PCDHGB5: variants seen among roughly 807,000 people sequenced by gnomAD.
PCDHGB5 encodes protocadherin gamma-B5.
A neutral mutation model predicts 62.9 loss-of-function variants in PCDHGB5; 48 were observed. That is an observed-to-expected ratio of 0.76 (90% CI 0.61 to 0.97). The LOEUF is 0.97. Among genes scored for constraint, PCDHGB5 ranks in the 50% least tolerant of loss-of-function variants. The pLI is 0.00. For synonymous variants in PCDHGB5, 474 were observed against 511.2 expected, an observed-to-expected ratio of 0.93 and a Z score of 0.98; for missense variants, 1,118 against 1,198.6, an observed-to-expected ratio of 0.93 and a Z score of 0.99.
chr5:141,480,390 T>C (rs753766736), intron 1 of PCDHGB5, among the ~76,000 whole-genome samples: 14 of 151,350 alleles, frequency 9.3e-5, no homozygotes, highest in Non-Finnish European at 1.9e-4. Flanking sequence ...ACTTCAACCA[T>C]GGCAATAGAG....
At chr5:141,403,645 A>G (rs2154534430) in intron 1 of PCDHGB5, 1 of 1,613,922 alleles carries the variant, frequency 6.2e-7, no homozygotes, top group South Asian at 1.1e-5. Flanking sequence ...TCCATGTGAC[A>G]GTGTTGGATA....
In PCDHGB5 at chr5:141,489,104, A is replaced by C; in HGVS notation, c.2398-5703A>C. The stretch of plus-strand genomic sequence containing the variant: ...CCACTCGGTGACTAAGAACTGCTGC[A>C]AGCAGGCAAACCTCCGAGCAGTTTT... On this transcript the variant is annotated intron_variant, in intron 1 of 3. Coordinates refer to ENST00000617380, the MANE Select transcript of PCDHGB5 (RefSeq NM_018925.3). The surrounding 1 kb of genome is among the most constrained non-coding windows in gnomAD (Gnocchi z 4.5). 2.5e-6 allele frequency: 1 copy of C among 405,816 alleles called. No individual in the cohort carries two copies. Among genetic ancestry groups the C allele is most frequent in the Non-Finnish European group, 4.3e-6 (1 of 232,372 alleles). 25.1% of individuals were successfully genotyped at this position (405,816 alleles called of 1,614,324 possible). A position where few individuals can be genotyped will look rare whatever the true frequency, so the allele number is the denominator to read the frequency against.
intron 1 of PCDHGB5, among the ~76,000 whole-genome samples, chr5:141,430,204 AATT>A (rs1179966513): frequency 6.6e-6 from 1 of 151,962 alleles, no homozygotes; most frequent in African/African-American, 2.4e-5. Context: ...AGAAAGTTTA[AATT>A]ATTATATTAT....
In PCDHGB5 at chr5:141,478,818, C is replaced by T. The variant is rs980032138; in HGVS notation, c.2398-15989C>T. ...AGCACTCTTTTGCTATCACAACTAA[C>T]CAATCTTGCTAAGGGATGGTTAAGC... On this transcript the variant is annotated intron_variant, in intron 1 of 3. Transcript: ENST00000617380. The T allele has an allele frequency of 2.1e-5, 30 of 1,449,330 alleles. No individual in the cohort carries two copies. The African/African-American group carries it at 3.3e-4, about 16-fold the overall frequency. 89.8% of individuals were successfully genotyped at this position (1,449,330 alleles called of 1,614,324 possible). A position where few individuals can be genotyped will look rare whatever the true frequency, so the allele number is the denominator to read the frequency against.
chr5:141,479,003 C>T (rs2099485569), intron 1 of PCDHGB5, among the ~76,000 whole-genome samples: 1 of 152,176 alleles, frequency 6.6e-6, no homozygotes, highest in South Asian at 2.1e-4. Context: ...AAACTAATAG[C>T]TTTTTGATAA....
Position 141,410,369 on chromosome 5 carries a change from A to T in PCDHGB5, c.2397+9845A>T, listed in dbSNP as rs754541017. Reference sequence around the variant, plus strand: ...CCTGCGACGCTCTCTCAGCCCTGCTACTTGGGACTGCTTCCATCCTGGTCT... The same window carrying T: ...CCTGCGACGCTCTCTCAGCCCTGCTTCTTGGGACTGCTTCCATCCTGGTCT... On this transcript the variant is annotated intron_variant, in intron 1 of 3. Coordinates refer to ENST00000617380, the MANE Select transcript of PCDHGB5 (RefSeq NM_018925.3). The T allele has an allele frequency of 5.6e-6, 9 of 1,613,836 alleles. No homozygotes were observed. The African/African-American group carries it at 1.2e-4, about 22-fold the overall frequency.
rs374476072 is a variant in PCDHGB5, at chr5:141,419,103, C to T, written c.2397+18579C>T. 5 of 1,613,886 alleles carry T rather than the reference C, an allele frequency of 3.1e-6. 1 individual carries two copies. Among genetic ancestry groups the T allele is most frequent in the South Asian group, 1.1e-5 (1 of 91,088 alleles). On this transcript the variant is annotated intron_variant, in intron 1 of 3. Transcript: ENST00000617380. ...GATGAGGCCCTGGATCGGGAGCAGA[C>T]CCCAGAGTACAACGTCACCATCGCA... is the stretch of plus-strand genomic sequence containing the variant.
intron 1 of PCDHGB5, chr5:141,409,586 G>C: frequency 6.2e-7 from 1 of 1,613,908 alleles, no homozygotes; most frequent in Non-Finnish European, 8.5e-7. Flanking sequence ...GGTCCACGTG[G>C]CCGAGAACAA....
Position 141,476,373 on chromosome 5 carries a change from T to C in PCDHGB5, c.2398-18434T>C. 1 of 1,614,054 alleles carries C rather than the reference T, an allele frequency of 6.2e-7. No individual in the cohort carries two copies. Among genetic ancestry groups the C allele is most frequent in the Non-Finnish European group, 8.5e-7 (1 of 1,180,020 alleles). On this transcript the variant is annotated intron_variant, in intron 1 of 3. Transcript: ENST00000617380. This position sits in a 1 kb window ranked among gnomAD's most constrained non-coding sequence, Gnocchi z 7.6. ...GAGGTGAACCGGGAGACCGGAGAGA[T>C]GTTTGTGAACGACCGTCTGGATCGA...
Position 141,487,933 on chromosome 5 carries a change from A to G in PCDHGB5, c.2398-6874A>G. ...CACAGGAGGCTACAGTGCACAGGGT[A>G]CAGTGCACCAGGCAGTCACTTGGAC... is the stretch of plus-strand genomic sequence containing the variant. On this transcript the variant is annotated intron_variant, in intron 1 of 3. Coordinates refer to ENST00000617380, the MANE Select transcript of PCDHGB5 (RefSeq NM_018925.3). This position sits in a 1 kb window ranked among gnomAD's most constrained non-coding sequence, Gnocchi z 5.0. 1 of 612,006 alleles carries G rather than the reference A, an allele frequency of 1.6e-6. No homozygotes were observed. Among genetic ancestry groups the G allele is most frequent in the South Asian group, 2.0e-5 (1 of 49,074 alleles). The allele number at this position is 612,006 out of a possible 1,614,324, so 37.9% of individuals were successfully genotyped here. A position where few individuals can be genotyped will look rare whatever the true frequency, so the allele number is the denominator to read the frequency against.
chr5:141,406,707 T>C (rs1201619018), intron 1 of PCDHGB5, among the ~76,000 whole-genome samples: 1 of 152,228 alleles, frequency 6.6e-6, no homozygotes, highest in Non-Finnish European at 1.5e-5. Flanking sequence ...AGTATATGCT[T>C]GCTCAAGAGA....
chr5:141,419,569 C>T (rs1200109635), intron 1 of PCDHGB5: 3 of 1,611,654 alleles, frequency 1.9e-6, no homozygotes, highest in East Asian at 2.2e-5. Context: ...TGGGTCCCGA[C>T]GGCTCCGCGC....
chr5:141,485,549 G>T lies in PCDHGB5; in HGVS notation c.2398-9258G>T. 1 of 1,614,030 alleles carries T rather than the reference G, an allele frequency of 6.2e-7. No homozygotes were observed. Among genetic ancestry groups the T allele is most frequent in the Non-Finnish European group, 8.5e-7 (1 of 1,179,922 alleles). On this transcript the variant is annotated intron_variant, in intron 1 of 3. Coordinates refer to ENST00000617380, the MANE Select transcript of PCDHGB5 (RefSeq NM_018925.3). The surrounding 1 kb of genome is among the most constrained non-coding windows in gnomAD (Gnocchi z 5.7). Reference sequence around the variant, plus strand: ...CCGAGCAGAGGTAGAGATCGTAGATGTGAATGATCACGCCCCCCGTTTTCC... The same window carrying T: ...CCGAGCAGAGGTAGAGATCGTAGATTTGAATGATCACGCCCCCCGTTTTCC...
rs530139788 is a variant in PCDHGB5, at chr5:141,509,165, C to A, written c.2546-1782C>A. On this transcript the variant is annotated intron_variant, in intron 3 of 3. Coordinates refer to ENST00000617380, the MANE Select transcript of PCDHGB5 (RefSeq NM_018925.3). ...TCCCGGCTCTCCCCTCCCGTGTGCC[C>A]TCCTCCTCTTATGCCGGCTTGAAAA... Among the ~76,000 whole-genome samples the A allele has an allele frequency of 1.4e-4, 21 of 152,332 alleles. No individual in the cohort carries two copies. In the South Asian group the frequency reaches 4.1e-3, roughly 30 times the overall value.
At chr5:141,433,363 CTA>C (rs2097590674) in intron 1 of PCDHGB5, 2 of 463,314 alleles carry the variant, frequency 4.3e-6, no homozygotes, top group African/African-American at 5.6e-5. Flanking sequence ...GTCTGCCTAT[CTA>C]TCTATCTATC....
At chr5:141,488,207 TC>T (rs2099672969) in intron 1 of PCDHGB5, among the ~76,000 whole-genome samples, 1 of 152,216 alleles carries the variant, frequency 6.6e-6, no homozygotes, top group Non-Finnish European at 1.5e-5. Context: ...AGGACTCATA[TC>T]AAGTCCCTAC....
rs1210809217 is a variant in PCDHGB5 at position 141,432,990 on chromosome 5, A to G, written c.2397+32466A>G. The G allele has an allele frequency of 6.2e-7, 1 of 1,614,152 alleles. No individual in the cohort carries two copies. The highest frequency in any genetic ancestry group is 1.7e-5 in the Admixed American group (1 of 60,022). ...CCGGCGTCGCACTTTGTGGGCGTGGACGGGGTGCAGGCTTTCCTGCAGACC... is the reference window on the plus strand; with the variant it reads ...CCGGCGTCGCACTTTGTGGGCGTGGGCGGGGTGCAGGCTTTCCTGCAGACC... On this transcript the variant is annotated intron_variant, in intron 1 of 3. Transcript: ENST00000617380. This position sits in a 1 kb window ranked among gnomAD's most constrained non-coding sequence, Gnocchi z 6.0.
intron 1 of PCDHGB5, among the ~76,000 whole-genome samples, chr5:141,437,250 G>T (rs1191184272): frequency 6.6e-6 from 1 of 152,102 alleles, no homozygotes; most frequent in African/African-American, 2.4e-5. Flanking sequence ...GACTTTCCTT[G>T]TCTTTTTATG....
chr5:141,420,176 C>CA (rs1162032152), intron 1 of PCDHGB5: 5 of 1,613,874 alleles, frequency 3.1e-6, no homozygotes, highest in Non-Finnish European at 4.2e-6. Flanking sequence ...ATCTGTTGAT[C>CA]ATTGTCCAGC....
Sources: allele counts gnomAD v4.1 joint callset (sites outside exome capture counted in the v4.1 genomes callset), GRCh38; gene constraint gnomAD v4.1.1; non-coding constraint Gnocchi (gnomAD v3.1); transcripts MANE v1.5; gene names NCBI Gene and HGNC (gene_info 2026-07-23, HGNC 2026-07-21).